PASK: variants seen among roughly 807,000 people sequenced by gnomAD.
PASK encodes the protein PAS domain-containing serine/threonine-protein kinase.
PASK carries 110 observed loss-of-function variants against 121.0 expected under a neutral mutation model. The observed-to-expected ratio is 0.91, with a 90% CI of 0.78 to 1.06. The LOEUF (loss-of-function observed/expected upper bound fraction) is 1.06. Ranked by LOEUF, PASK falls within the 50% of genes least tolerant of loss-of-function variation. The pLI is 0.00. For synonymous variants in PASK, 686 were observed against 717.8 expected (o/e 0.96, Z 0.71); for missense variants, 1,643 against 1,702.3 (o/e 0.97, Z 0.61).
chr2:241,108,387 G>A lies in PASK; in HGVS notation c.3534-87C>T, dbSNP rs534067066. On this transcript the variant is annotated intron_variant, in intron 15 of 17. Coordinates refer to ENST00000234040, the MANE Select transcript of PASK (RefSeq NM_015148.4). The surrounding 1 kb of genome is among the most constrained non-coding windows in gnomAD (Gnocchi z 5.2). ...CATGGGAAGCACCATGGCCCTTCCCGACCAGCACACAGGCCAGGCAGTGGT... is the reference window on the plus strand; with the variant it reads ...CATGGGAAGCACCATGGCCCTTCCCAACCAGCACACAGGCCAGGCAGTGGT... 174 of 1,357,706 alleles carry A rather than the reference G, an allele frequency of 1.3e-4. No individual in the cohort carries two copies. The highest frequency in any genetic ancestry group is 3.8e-4 in the Admixed American group (22 of 58,124). The allele number at this position is 1,357,706 out of a possible 1,614,324, so 84.1% of individuals were successfully genotyped here.
At position 241,127,161 on chromosome 2, in the gene PASK, T is replaced by C. The variant is rs1278030445; in HGVS notation, c.1754A>G (p.Asp585Gly). Residue 585 changes from aspartate (D) to glycine (G), a missense_variant, in exon 10 of 18, where the codon GAC becomes GGC. Physicochemically the swap from Asp to Gly is moderately conservative, Grantham distance 94. Coordinates refer to ENST00000234040, the MANE Select transcript of PASK (RefSeq NM_015148.4). ...RMGVSGPSGS[D>G]LWAGAAVAKP... ...GGCCACGGCAGCCCCAGCCCAAAGG[T>C]CTGAACCGCTGGGACCACTGACTCC... The C allele has an allele frequency of 6.2e-7, 1 of 1,613,942 alleles. No homozygotes were observed. The highest frequency in any genetic ancestry group is 1.7e-5 in the Admixed American group (1 of 60,026).
intron 12 of PASK, among the ~76,000 whole-genome samples, chr2:241,121,243 G>A (rs1169432729): frequency 6.6e-6 from 1 of 152,218 alleles, no homozygotes; most frequent in Admixed American, 6.5e-5. Context: ...CTGAGGTCAT[G>A]AAATGTTCTT....
intron 8 of PASK, 78 bp downstream of exon 8, chr2:241,135,793 C>T: frequency 1.4e-6 from 2 of 1,390,964 alleles, no homozygotes; most frequent in South Asian, 2.3e-5. Flanking sequence ...CCTGCTCCTC[C>T]CAGCCCTGTC....
chr2:241,123,062 T>A (rs2065689815), intron 11 of PASK, among the ~76,000 whole-genome samples, 163 bp from the exon 12 acceptor site: 1 of 152,042 alleles, frequency 6.6e-6, no homozygotes, highest in Non-Finnish European at 1.5e-5. Context: ...TGAAAGCCTA[T>A]CTCCACAGGG....
Position 241,106,263 on chromosome 2 carries a change from G to A in PASK, c.*303C>T. The A allele has an allele frequency of 2.3e-6, 1 of 430,588 alleles. No homozygotes were observed. The highest frequency in any genetic ancestry group is 4.2e-6 in the Non-Finnish European group (1 of 236,112). 26.7% of individuals were successfully genotyped at this position (430,588 alleles called of 1,614,324 possible). A position where few individuals can be genotyped will look rare whatever the true frequency, so the allele number is the denominator to read the frequency against. On this transcript the variant is annotated 3_prime_UTR_variant, in exon 18 of 18. Transcript: ENST00000234040. ...AAACAAAACATGCACATATACAAAAGTAGAAAGAGAAAACACTCATGCCTT... is the reference window on the plus strand; with the variant it reads ...AAACAAAACATGCACATATACAAAAATAGAAAGAGAAAACACTCATGCCTT...
rs534252134 is a variant in PASK at position 241,124,023 on chromosome 2, G to C, written c.2830C>G (p.Arg944Gly). 1.9e-6 allele frequency: 3 copies of C among 1,613,844 alleles called. No individual in the cohort carries two copies. The South Asian group carries it at 3.3e-5, about 18-fold the overall frequency. Residue 944 changes from arginine to glycine, a missense_variant, in exon 11 of 18, where the codon CGC becomes GGC. Around this residue, in one of 3 missense-constraint regions of PASK, gnomAD observed 453 missense variants for 511.2 expected, o/e 0.89. Coordinates refer to ENST00000234040, the MANE Select transcript of PASK (RefSeq NM_015148.4). ...CCGGGCAGGCTGGCAAGGAACAGGC[G>C]GGTCCTGGCGGCTGAGTCGCGTTGG... ...HSQRDSAART[R>G]LFLASLPGST... is the part of the protein sequence containing the mutation.
At chr2:241,150,291 C>G, upstream of PASK, 1 of 1,317,570 alleles carries the variant, frequency 7.6e-7, no homozygotes. Context: ...GGCTCCGCCG[C>G]CTGAAATTAC....
At chr2:241,107,721 C>T (rs2064947213) in intron 16 of PASK, among the ~76,000 whole-genome samples, 1 of 152,230 alleles carries the variant, frequency 6.6e-6, no homozygotes, top group Admixed American at 6.5e-5. Context: ...TCCCACTCAA[C>T]CAAAATCCAG....
rs1165403084 is a variant in PASK, at chr2:241,112,627, G to C, written c.3334-188C>G. The C allele has an allele frequency of 1.7e-6, 1 of 573,562 alleles. No homozygotes were observed. Among genetic ancestry groups the C allele is most frequent in the African/African-American group, 1.9e-5 (1 of 53,248 alleles). 35.5% of individuals were successfully genotyped at this position (573,562 alleles called of 1,614,324 possible). A position where few individuals can be genotyped will look rare whatever the true frequency, so the allele number is the denominator to read the frequency against. On this transcript the variant is annotated intron_variant, in intron 14 of 17. Transcript: ENST00000234040. This position sits in a 1 kb window ranked among gnomAD's most constrained non-coding sequence, Gnocchi z 5.2. The stretch of plus-strand genomic sequence containing the variant: ...AGCAAACAGGAAACAAAGCCCTTCA[G>C]GAGGCGTGTTCACTGGGGATGGCCA...
intron 12 of PASK, among the ~76,000 whole-genome samples, chr2:241,122,429 T>G (rs1219438863): frequency 6.6e-6 from 1 of 152,104 alleles, no homozygotes; most frequent in Non-Finnish European, 1.5e-5. Flanking sequence ...AGCCCCAGGC[T>G]CAGAAAGGAG....
chr2:241,149,850 A>G (rs1397096391), upstream of PASK: 2 of 1,474,694 alleles, frequency 1.4e-6, no homozygotes, highest in East Asian at 2.6e-5. Flanking sequence ...TTGCAAGGGG[A>G]GCCCAGCTGG....
At chr2:241,150,006 G>A, upstream of PASK, 1 of 1,404,624 alleles carries the variant, frequency 7.1e-7, no homozygotes, top group South Asian at 1.5e-5. Context: ...TGCTCTTGCC[G>A]TTCGGCCCAT....
At chr2:241,117,821 T>C (rs1428622150) in intron 12 of PASK, among the ~76,000 whole-genome samples, 1 of 152,172 alleles carries the variant, frequency 6.6e-6, no homozygotes, top group East Asian at 1.9e-4. Flanking sequence ...CACACTTTAA[T>C]ACATACAAGG....
intron 4 of PASK, 104 bp downstream of exon 4, chr2:241,139,781 C>T: frequency 1.8e-6 from 2 of 1,094,486 alleles, no homozygotes; most frequent in Non-Finnish European, 2.8e-6. Flanking sequence ...TGTCCTGGTG[C>T]CACCCAACCC....
intron 9 of PASK, among the ~76,000 whole-genome samples, chr2:241,129,883 C>T (rs1450663798): frequency 2.6e-5 from 4 of 152,204 alleles, no homozygotes; most frequent in Non-Finnish European, 4.4e-5. Context: ...CGTGGAGACC[C>T]GAGACCCCCA....
At chr2:241,113,451 C>T (rs1033917803) in intron 14 of PASK, 1 of 124,758 alleles carries the variant, frequency 8.0e-6, no homozygotes, top group Non-Finnish European at 2.0e-5. Flanking sequence ...TAGATACATA[C>T]ATGTGCACAT....
intron 15 of PASK, chr2:241,109,252 A>C (rs1302526550): frequency 6.6e-6 from 1 of 152,420 alleles, no homozygotes; most frequent in Admixed American, 6.5e-5. Context: ...ACAACCTAGC[A>C]AGATAAATAT....
Position 241,108,498 on chromosome 2 carries a change from C to T in PASK, c.3534-198G>A. 1 of 650,840 alleles carries T rather than the reference C, an allele frequency of 1.5e-6. No homozygotes were observed. The highest frequency in any genetic ancestry group is 2.8e-6 in the Non-Finnish European group (1 of 360,812). The allele number at this position is 650,840 out of a possible 1,614,324, so 40.3% of individuals were successfully genotyped here. A position where few individuals can be genotyped will look rare whatever the true frequency, so the allele number is the denominator to read the frequency against. ...CCCAGGCCAGCCAGCAGGCCATGTG[C>T]CAGGAGTGGAGAGGCCATCGGGCAG... On this transcript the variant is annotated intron_variant, in intron 15 of 17. Transcript: ENST00000234040. The surrounding 1 kb of genome is among the most constrained non-coding windows in gnomAD (Gnocchi z 5.2).
At chr2:241,146,235 A>G (rs1378985370) in intron 1 of PASK, among the ~76,000 whole-genome samples, 2 of 152,250 alleles carry the variant, frequency 1.3e-5, no homozygotes, top group African/African-American at 4.8e-5. Flanking sequence ...AGTAATACCC[A>G]ATGTCAAAAA....
Sources: gnomAD v4.1 joint callset for allele counts (sites outside exome capture counted in the v4.1 genomes callset) on GRCh38, gnomAD v4.1.1 for gene constraint, gnomAD v4.1.1 regional missense constraint, Gnocchi (gnomAD v3.1) non-coding constraint, MANE v1.5 for transcripts, NCBI Gene and HGNC (gene_info 2026-07-23, HGNC 2026-07-21) for gene names.